Variants in NMUR1 observed in about 807,000 individuals in gnomAD.
NMUR1 encodes neuromedin-U receptor 1.
Under a neutral mutation model 18.8 loss-of-function variants are expected in NMUR1, and 16 were observed. The observed-to-expected ratio is 0.85, with a 90% CI of 0.58 to 1.29. NMUR1 has a LOEUF of 1.29. NMUR1 is among the 50% of genes most tolerant of loss of function. NMUR1 has a pLI of 0.00. For missense variants in NMUR1, 529 were observed against 580.3 expected, an observed-to-expected ratio of 0.91 and a Z score of 0.91; for synonymous variants, 258 against 258.2, an observed-to-expected ratio of 1.00 and a Z score of 0.01.
At chr2:231,526,999 C>T (rs1205065669) in intron 2 of NMUR1, among the ~76,000 whole-genome samples, 4 of 152,140 alleles carry the variant, frequency 2.6e-5, no homozygotes, top group South Asian at 2.1e-4. Context: ...AGACACGCCT[C>T]GGGATGGGGC....
rs2047338164 is a variant in NMUR1 at position 231,524,837 on chromosome 2, G to A, written c.*206C>T. On this transcript the variant is annotated 3_prime_UTR_variant, in exon 3 of 3. Coordinates refer to ENST00000305141, the MANE Select transcript of NMUR1 (RefSeq NM_006056.5). The stretch of plus-strand genomic sequence containing the variant: ...AGTGGACAGATAAGAAGCACAAGGT[G>A]TGGCGTCTGGTCAGTGTGAGTCCTC... 1 of 544,514 alleles carries A rather than the reference G, an allele frequency of 1.8e-6. No homozygotes were observed. The highest frequency in any genetic ancestry group is 3.1e-6 in the Non-Finnish European group (1 of 321,428). The allele number at this position is 544,514 out of a possible 1,614,324, so 33.7% of individuals were successfully genotyped here.
In NMUR1 at chr2:231,523,960, CG is replaced by C. The variant is rs1185444437; in HGVS notation, c.*1082del. The C allele has an allele frequency of 2.0e-5, 3 of 152,392 alleles. No homozygotes were observed. The highest frequency in any genetic ancestry group is 7.2e-5 in the African/African-American group (3 of 41,432). The allele number at this position is 152,392 out of a possible 1,614,324, so 9.4% of individuals were successfully genotyped here. On this transcript the variant is annotated 3_prime_UTR_variant, in exon 3 of 3. Coordinates refer to ENST00000305141, the MANE Select transcript of NMUR1 (RefSeq NM_006056.5). ...CACTGGACTCCCGAGCCAGCCTGCA[CG>C]TATGTGAGGACGGAGGTGGGCTGTG... is the stretch of plus-strand genomic sequence containing the variant.
In NMUR1 at chr2:231,524,933, C is replaced by T. The variant is rs1362391082; in HGVS notation, c.*110G>A. ...TGAGGTGCTGGTCAGAATTTCTAGG[C>T]TGAACTAGGGACAGTACGTGAAGGC... On this transcript the variant is annotated 3_prime_UTR_variant, in exon 3 of 3. Coordinates refer to ENST00000305141, the MANE Select transcript of NMUR1 (RefSeq NM_006056.5). The T allele has an allele frequency of 1.4e-6, 2 of 1,396,642 alleles. No homozygotes were observed. Among genetic ancestry groups the T allele is most frequent in the African/African-American group, 1.4e-5 (1 of 69,650 alleles). 86.5% of individuals were successfully genotyped at this position (1,396,642 alleles called of 1,614,324 possible).
Position 231,528,778 on chromosome 2 carries a change from G to C in NMUR1, c.243C>G (p.Thr81=), listed in dbSNP as rs529600941. The change falls in exon 2 of 3, where the codon ACC becomes ACG. Residue 81 remains threonine, a synonymous_variant. Coordinates refer to ENST00000305141, the MANE Select transcript of NMUR1 (RefSeq NM_006056.5). ...CCTTGTGGCGCAGGATGACCAGACA[G>C]GTCAGCCCATTGCCCACAGCGCCCA... ...FVVGAVGNGL[T]CLVILRHKAM... The C allele has an allele frequency of 1.1e-4, 180 of 1,614,242 alleles. No homozygotes were observed. In the East Asian group the frequency reaches 3.1e-3, roughly 28 times the overall value.
At chr2:231,528,020 T>C in intron 2 of NMUR1, 103 bp downstream of exon 2, 1 of 1,207,290 alleles carries the variant, frequency 8.3e-7, no homozygotes, top group Non-Finnish European at 1.1e-6. Context: ...GAGTTCCTCG[T>C]CCCCCATAAA....
rs777814564 is a variant in NMUR1 at position 231,528,677 on chromosome 2, G to C, written c.344C>G (p.Pro115Arg). The C allele has an allele frequency of 3.1e-6, 5 of 1,614,226 alleles. No homozygotes were observed. Among genetic ancestry groups the C allele is most frequent in the Non-Finnish European group, 4.2e-6 (5 of 1,180,034 alleles). Residue 115 changes from proline (P) to arginine (R), a missense_variant, in exon 2 of 3, where the codon CCC (proline) becomes CGC (arginine). Transcript: ENST00000305141. ...GTGCCACATCTCATAGAGCTCCAGG[G>C]GCAGGCCCACCAGCAGCACCAGCAG... ...SDLLVLLVGL[P>R]LELYEMWHNY...
Position 231,528,984 on chromosome 2 carries a change from C to A in NMUR1, c.37G>T (p.Gly13Ter). 1 of 1,612,504 alleles carries A rather than the reference C, an allele frequency of 6.2e-7. No individual in the cohort carries two copies. The highest frequency in any genetic ancestry group is 8.5e-7 in the Non-Finnish European group (1 of 1,178,972). The change falls in exon 2 of 3, where the codon GGA becomes TGA. Residue 13 changes from glycine to a stop codon, truncating the protein, a stop_gained. Transcript: ENST00000305141. LOFTEE classifies it high-confidence loss of function. ...PLCLNCSVLP[G>*]DLYPGGARNP... ...CTTGCACCCCCTGGGTACAGGTCTC[C>A]AGGGAGGACAGAGCAATTGAGGCAG...
At chr2:231,530,222 G>T in intron 1 of NMUR1, 137 bp downstream of exon 1, 1 of 1,075,584 alleles carries the variant, frequency 9.3e-7, no homozygotes, top group Non-Finnish European at 1.3e-6. Flanking sequence ...CCGAGAAGTT[G>T]CGAGGCTCCC....
chr2:231,527,128 C>G (rs1004418194), intron 2 of NMUR1, among the ~76,000 whole-genome samples: 1 of 152,276 alleles, frequency 6.6e-6, no homozygotes, highest in South Asian at 2.1e-4. Context: ...TTTGCTCCCC[C>G]CAGATCTCAC....
chr2:231,528,006 AGAG>A, intron 2 of NMUR1, 114 bp downstream of exon 2: 2 of 1,026,916 alleles, frequency 1.9e-6, no homozygotes, highest in Non-Finnish European at 2.8e-6. Context: ...ACACGAGACT[AGAG>A]GAGTTCCTCG....
intron 2 of NMUR1, among the ~76,000 whole-genome samples, chr2:231,527,838 T>C (rs2047371547): frequency 6.6e-6 from 1 of 152,084 alleles, no homozygotes. Context: ...TATTCATTTT[T>C]GAAAAAGGGA....
Position 231,523,711 on chromosome 2 carries a change from G to A in NMUR1, c.*1332C>T, listed in dbSNP as rs1400203743. The A allele has an allele frequency of 1.3e-5, 2 of 153,506 alleles. No homozygotes were observed. The highest frequency in any genetic ancestry group is 2.4e-5 in the African/African-American group (1 of 41,480). The allele number at this position is 153,506 out of a possible 1,614,324, so 9.5% of individuals were successfully genotyped here. A position where few individuals can be genotyped will look rare whatever the true frequency, so the allele number is the denominator to read the frequency against. Reference sequence around the variant, plus strand: ...TCCTCTCAGGAGGACAAGACTCAGGGACTGCAGCAGGACAAGTTTCCTCCA... The same window carrying A: ...TCCTCTCAGGAGGACAAGACTCAGGAACTGCAGCAGGACAAGTTTCCTCCA... On this transcript the variant is annotated 3_prime_UTR_variant, in exon 3 of 3. Coordinates refer to ENST00000305141, the MANE Select transcript of NMUR1 (RefSeq NM_006056.5).
Position 231,528,449 on chromosome 2 carries a change from A to T in NMUR1, c.572T>A (p.Leu191His). The T allele has an allele frequency of 6.2e-7, 1 of 1,613,664 alleles. No individual in the cohort carries two copies. Among genetic ancestry groups the T allele is most frequent in the African/African-American group, 1.3e-5 (1 of 75,072 alleles). The change falls in exon 2 of 3, where the codon CTC becomes CAC. Residue 191 changes from leucine to histidine, a missense_variant. Transcript: ENST00000305141. The stretch of plus-strand genomic sequence containing the variant: ...CAGGCTGGTGTTGGGCAGGGAGCAG[A>T]GCATGGCAAGACCCCAGACGGCCCC... ...VLGAVWGLAM[L>H]CSLPNTSLHG...
At position 231,528,965 on chromosome 2, in the gene NMUR1, C is replaced by A; in HGVS notation, c.56G>T (p.Gly19Val). The change falls in exon 2 of 3, where the codon GGT becomes GTT. Residue 19 changes from glycine to valine, a missense_variant. Gly to Val is a moderately radical substitution (Grantham distance 109). Coordinates refer to ENST00000305141, the MANE Select transcript of NMUR1 (RefSeq NM_006056.5). ...SVLPGDLYPG[G>V]ARNPMACNGS... is the part of the protein sequence containing the mutation. The stretch of plus-strand genomic sequence containing the variant: ...ATTGCAAGCCATGGGGTTCCTTGCA[C>A]CCCCTGGGTACAGGTCTCCAGGGAG... 2 of 1,613,896 alleles carry A rather than the reference C, an allele frequency of 1.2e-6. No individual in the cohort carries two copies. Among genetic ancestry groups the A allele is most frequent in the Non-Finnish European group, 1.7e-6 (2 of 1,179,938 alleles).
chr2:231,523,179 G>T, downstream of NMUR1: 1 of 349,632 alleles, frequency 2.9e-6, no homozygotes, highest in Non-Finnish European at 5.2e-6. Flanking sequence ...ACATGCCACT[G>T]TTACTGCTTC....
chr2:231,530,410 C>T lies in NMUR1; in HGVS notation c.-49G>A. On this transcript the variant is annotated 5_prime_UTR_variant, in exon 1 of 3. Transcript: ENST00000305141. ...CGGCTTCCACCCTCCGAGCGACGGA[C>T]ACAGACGCGGCGCGGGAGCCAGTGG... The T allele has an allele frequency of 1.4e-6, 2 of 1,471,000 alleles. No homozygotes were observed. Among genetic ancestry groups the T allele is most frequent in the African/African-American group, 1.5e-5 (1 of 67,886 alleles). 91.1% of individuals were successfully genotyped at this position (1,471,000 alleles called of 1,614,324 possible). A position where few individuals can be genotyped will look rare whatever the true frequency, so the allele number is the denominator to read the frequency against.
At chr2:231,522,887 G>T (rs1218995377), downstream of NMUR1, among the ~76,000 whole-genome samples, 1 of 152,270 alleles carries the variant, frequency 6.6e-6, no homozygotes, top group East Asian at 1.9e-4. Context: ...CACTGGGCAG[G>T]ACTGACAGGC....
Position 231,523,511 on chromosome 2 carries a change from A to G in NMUR1, c.*1532T>C, listed in dbSNP as rs2047323744. The G allele has an allele frequency of 3.6e-6, 1 of 277,954 alleles. No homozygotes were observed. Among genetic ancestry groups the G allele is most frequent in the African/African-American group, 2.2e-5 (1 of 46,506 alleles). 17.2% of individuals were successfully genotyped at this position (277,954 alleles called of 1,614,324 possible). On this transcript the variant is annotated 3_prime_UTR_variant, in exon 3 of 3. Coordinates refer to ENST00000305141, the MANE Select transcript of NMUR1 (RefSeq NM_006056.5). ...TCCAAATTTTCTATCATGAGCATTT[A>G]TTATTTTTATAATTGAATTTTTAAA...
downstream of NMUR1, among the ~76,000 whole-genome samples, chr2:231,520,965 A>G (rs1307298308): frequency 2.0e-5 from 3 of 152,228 alleles, no homozygotes; most frequent in East Asian, 5.8e-4. Context: ...ACCCTCAGGA[A>G]CGCTGGCAGA....
Sources: gnomAD v4.1 joint callset for allele counts (sites outside exome capture counted in the v4.1 genomes callset) on GRCh38, gnomAD v4.1.1 for gene constraint, MANE v1.5 for transcripts, NCBI Gene and HGNC (gene_info 2026-07-23, HGNC 2026-07-21) for gene names.